VWA3B: variants seen among roughly 807,000 people sequenced by gnomAD.
VWA3B encodes the protein von Willebrand factor A domain containing 3B, also known as von Willebrand factor A domain-containing protein 3B.
A neutral mutation model predicts 158.3 loss-of-function variants in VWA3B; 138 were observed. The observed-to-expected ratio is 0.87, with a 90% CI of 0.76 to 1.00. The LOEUF (loss-of-function observed/expected upper bound fraction) is 1.00, where lower values mean the gene tolerates loss of function less well. Ranked by LOEUF, VWA3B falls within the 50% of genes least tolerant of loss-of-function variation. The pLI, the probability that VWA3B is intolerant of heterozygous loss-of-function variation, is 0.00. For missense variants in VWA3B, 1,555 were observed against 1,565.1 expected (o/e 0.99, Z 0.11); for synonymous variants, 596 against 587.3 (o/e 1.01, Z -0.21).
intron 2 of VWA3B, among the ~76,000 whole-genome samples, chr2:98,108,690 G>A (rs943704802): frequency 5.3e-5 from 8 of 151,328 alleles, no homozygotes; most frequent in South Asian, 2.1e-4. Context: ...TATTTGCATG[G>A]CCTATCTTTT....
downstream of VWA3B, among the ~76,000 whole-genome samples, chr2:98,313,772 G>A (rs766251845): frequency 1.3e-5 from 2 of 152,200 alleles, no homozygotes; most frequent in Non-Finnish European, 2.9e-5. Context: ...CTGGTGTCTG[G>A]TGGTGGGGTA....
intron 3 of VWA3B, among the ~76,000 whole-genome samples, chr2:98,118,253 G>A (rs1674683266): frequency 6.6e-6 from 1 of 152,122 alleles, no homozygotes; most frequent in Non-Finnish European, 1.5e-5. Context: ...GTGGATGCTG[G>A]TGAAGGAGCT....
chr2:98,290,804 G>GC, intron 23 of VWA3B, 182 bp downstream of exon 23: 1 of 501,140 alleles, frequency 2.0e-6, no homozygotes, highest in Non-Finnish European at 3.5e-6. Flanking sequence ...GCGTATTTGG[G>GC]CCCCCCAAAA....
chr2:98,267,980 A>G (rs1308829303), intron 21 of VWA3B, among the ~76,000 whole-genome samples: 2 of 152,136 alleles, frequency 1.3e-5, no homozygotes, highest in African/African-American at 4.8e-5. Flanking sequence ...CTCTCCCAAG[A>G]CTAAACCAGG....
At chr2:98,159,964 C>A (rs777936308) in intron 7 of VWA3B, among the ~76,000 whole-genome samples, 1 of 150,372 alleles carries the variant, frequency 6.7e-6, no homozygotes, top group African/African-American at 2.4e-5. Flanking sequence ...GAGCCTAGAT[C>A]GTGCTACTGC....
the VWA3B span, among the ~76,000 whole-genome samples, chr2:98,320,305 C>T: frequency 4.6e-5 from 7 of 152,206 alleles, no homozygotes; most frequent in East Asian, 7.7e-4. Flanking sequence ...TCCATTAAAT[C>T]GCTTTTCTTT....
intron 19 of VWA3B, among the ~76,000 whole-genome samples, chr2:98,243,390 A>G (rs1025638101): frequency 1.3e-5 from 2 of 151,772 alleles, no homozygotes; most frequent in Non-Finnish European, 2.9e-5. Context: ...CTGGAGTGCA[A>G]TGGTGTGATC....
chr2:98,112,780 G>A (rs529185753), intron 2 of VWA3B, among the ~76,000 whole-genome samples: 1 of 151,690 alleles, frequency 6.6e-6, no homozygotes, highest in South Asian at 2.1e-4. Flanking sequence ...TCAAATCATA[G>A]TTTGCTAAGC....
rs202146234 is a variant in VWA3B, at chr2:98,093,210, C to T, written c.118C>T (p.Leu40Phe). Residue 40 changes from leucine to phenylalanine, a missense_variant, in exon 2 of 28, where the codon CTT (leucine) becomes TTT (phenylalanine). Physicochemically the swap from Leu to Phe is conservative, Grantham distance 22. Coordinates refer to ENST00000477737, the MANE Select transcript of VWA3B (RefSeq NM_144992.5). ...EQSLISSEKW[L>F]QLHGLKSNKL... ...GAGTCTCATTTCATCTGAGAAATGG[C>T]TTCAACTGCATGGGCTTAAGAGCAA... 14 of 1,614,036 alleles carry T rather than the reference C, an allele frequency of 8.7e-6. No individual in the cohort carries two copies. The highest frequency in any genetic ancestry group is 1.6e-4 in the Middle Eastern group (1 of 6,084).
In VWA3B at chr2:98,133,868, C is replaced by T. The variant is rs760843610; in HGVS notation, c.917C>T (p.Ala306Val). The change falls in exon 7 of 28, where the codon GCA becomes GTA. Residue 306 changes from alanine to valine, a missense_variant. By Grantham distance (64) the Ala-to-Val change is moderately conservative. Coordinates refer to ENST00000477737, the MANE Select transcript of VWA3B (RefSeq NM_144992.5). ...AGAACAGAGTGTGTAGAATTTCCTG[C>T]ATTCTCCACAAAGGATGGTGACAAT... The part of the protein sequence containing the change: ...AERTECVEFP[A>V]FSTKDGDNVM... The T allele has an allele frequency of 1.5e-5, 25 of 1,614,132 alleles. No homozygotes were observed. The highest frequency in any genetic ancestry group is 2.0e-5 in the Non-Finnish European group (24 of 1,180,018).
At chr2:98,300,315 A>G in intron 25 of VWA3B, 99 bp downstream of exon 25, 4 of 1,536,864 alleles carry the variant, frequency 2.6e-6, no homozygotes, top group Non-Finnish European at 8.9e-7. Flanking sequence ...CCCTGGCTGC[A>G]TCTGCTGCCC....
chr2:98,288,171 T>G (rs1294041820), intron 22 of VWA3B, among the ~76,000 whole-genome samples: 1 of 152,326 alleles, frequency 6.6e-6, no homozygotes, highest in East Asian at 1.9e-4. Flanking sequence ...TTTGCTTTTT[T>G]GTTTGTTGAA....
At chr2:98,269,789 G>A (rs1401573249) in intron 21 of VWA3B, among the ~76,000 whole-genome samples, 1 of 152,192 alleles carries the variant, frequency 6.6e-6, no homozygotes, top group Non-Finnish European at 1.5e-5. Flanking sequence ...GTCTCTGTAG[G>A]GGAATGAGGG....
chr2:98,164,967 T>C (rs1192369936), intron 8 of VWA3B, among the ~76,000 whole-genome samples: 1 of 152,234 alleles, frequency 6.6e-6, no homozygotes, highest in Admixed American at 6.5e-5. Flanking sequence ...AGCCTTATTC[T>C]TCTGCACAAC....
chr2:98,185,915 G>A (rs573367272), intron 9 of VWA3B, among the ~76,000 whole-genome samples: 2 of 152,134 alleles, frequency 1.3e-5, no homozygotes, highest in African/African-American at 2.4e-5. Context: ...GTGCCCCCAC[G>A]CCTCTGCTCC....
intron 22 of VWA3B, among the ~76,000 whole-genome samples, chr2:98,281,393 TTA>T (rs1688869284): frequency 6.6e-6 from 1 of 152,200 alleles, no homozygotes; most frequent in Non-Finnish European, 1.5e-5. Context: ...GTGACAGACT[TTA>T]CATGGCCTTA....
At chr2:98,163,861 G>A (rs1291873869) in intron 8 of VWA3B, among the ~76,000 whole-genome samples, 1 of 152,164 alleles carries the variant, frequency 6.6e-6, no homozygotes, top group Non-Finnish European at 1.5e-5. Context: ...TGAGGGTGGG[G>A]CATTCTGGCT....
chr2:98,190,554 T>C lies in VWA3B; in HGVS notation c.1467-2344T>C, dbSNP rs543126357. Reference sequence around the variant, plus strand: ...TCATATTTCTGGTAGTGCAGGTCTATTGGTGATGAATGAGCTGTTTCAGTC... The same window carrying C: ...TCATATTTCTGGTAGTGCAGGTCTACTGGTGATGAATGAGCTGTTTCAGTC... On this transcript the variant is annotated intron_variant, in intron 10 of 27. Transcript: ENST00000477737. Among the ~76,000 whole-genome samples the C allele has an allele frequency of 7.2e-5, 11 of 152,318 alleles. No individual in the cohort carries two copies. The South Asian group carries it at 2.3e-3, about 32-fold the overall frequency.
chr2:98,113,497 C>A (rs938746567), intron 2 of VWA3B, among the ~76,000 whole-genome samples: 2 of 152,130 alleles, frequency 1.3e-5, no homozygotes, highest in African/African-American at 4.8e-5. Context: ...CAAGGTTCAA[C>A]TGTATAATCC....
Sources: gnomAD v4.1 joint callset for allele counts (sites outside exome capture counted in the v4.1 genomes callset) on GRCh38, gnomAD v4.1.1 for gene constraint, MANE v1.5 for transcripts, NCBI Gene and HGNC (gene_info 2026-07-23, HGNC 2026-07-21) for gene names.